Variants in DCAF4 observed in about 807,000 individuals in gnomAD.
The protein encoded by DCAF4 is DDB1- and CUL4-associated factor 4.
A neutral mutation model predicts 60.9 loss-of-function variants in DCAF4; 37 were observed. That is an observed-to-expected ratio of 0.61 (90% CI 0.47 to 0.80). DCAF4 has a LOEUF of 0.80. DCAF4 is among the 30% of genes least tolerant of loss of function. The pLI is 0.00. For synonymous variants in DCAF4, 243 were observed against 254.8 expected (o/e 0.95, Z 0.44); for missense variants, 577 against 650.0 (o/e 0.89, Z 1.22).
chr14:72,946,690 G>A (rs774441580), intron 7 of DCAF4, among the ~76,000 whole-genome samples: 27 of 152,208 alleles, frequency 1.8e-4, no homozygotes, highest in Non-Finnish European at 2.9e-4. Context: ...GCCGCAGCCA[G>A]CACTGAGGCT....
chr14:72,930,352 T>G lies in DCAF4; in HGVS notation c.-9+3809T>G, dbSNP rs547848561. Among the ~76,000 whole-genome samples, 210 of 151,874 alleles carry G rather than the reference T, an allele frequency of 1.4e-3. 1 individual carries two copies. Among genetic ancestry groups the G allele is most frequent in the African/African-American group, 4.6e-3 (192 of 41,430 alleles). On this transcript the variant is annotated intron_variant, in intron 1 of 13. Coordinates refer to ENST00000358377, the MANE Select transcript of DCAF4 (RefSeq NM_015604.4). ...GGCACCATCTCGGCTCACTGCAGCCTCCACCTCCCGGGTTCAAGCGATTGT... is the reference window on the plus strand; with the variant it reads ...GGCACCATCTCGGCTCACTGCAGCCGCCACCTCCCGGGTTCAAGCGATTGT...
chr14:72,939,587 C>G (rs1889747827), intron 2 of DCAF4, among the ~76,000 whole-genome samples: 1 of 152,334 alleles, frequency 6.6e-6, no homozygotes, highest in East Asian at 1.9e-4. Context: ...ACTGTGACAT[C>G]TGTCCTCTTT....
chr14:72,960,157 A>ATT (rs34676562), downstream of DCAF4, among the ~76,000 whole-genome samples: 1,717 of 143,986 alleles, frequency 0.012, 36 homozygotes, highest in African/African-American at 0.039. Flanking sequence ...AAAGAACCAA[A>ATT]TTTTTTTTTT....
Position 72,943,076 on chromosome 14 carries a change from G to C in DCAF4, c.514G>C (p.Asp172His). Residue 172 changes from aspartate to histidine, a missense_variant, in exon 6 of 14, where the codon GAC (aspartate) becomes CAC (histidine). By Grantham distance (81) the Asp-to-His change is moderately conservative (BLOSUM62 -1). Transcript: ENST00000358377. ...RSMDPSALAS[D>H]RFNLILADTN... is the part of the protein sequence containing the mutation. ...CATGGATCCCTCCGCCTTGGCAAGC[G>C]ACCGATTTAACCTCATACTGGTGAG... is the stretch of plus-strand genomic sequence containing the variant. 6.2e-7 allele frequency: 1 copy of C among 1,614,124 alleles called. No homozygotes were observed.
chr14:72,926,627 G>C (rs1189725965), intron 1 of DCAF4, 84 bp downstream of exon 1: 1 of 152,354 alleles, frequency 6.6e-6, no homozygotes, highest in Non-Finnish European at 1.5e-5. Flanking sequence ...GTGGGAGACA[G>C]GCGCGGCGAG....
rs145000136 is a variant in DCAF4, at chr14:72,947,810, C to T, written c.728+619C>T. On this transcript the variant is annotated intron_variant, in intron 8 of 13. Transcript: ENST00000358377. ...GGCAACAGCTTTTTAGAGCACTCAT[C>T]ACACTAGTCTCTGCCTTCCCGGAGA... Among the ~76,000 whole-genome samples the T allele has an allele frequency of 1.8e-4, 28 of 152,306 alleles. No homozygotes were observed. In the East Asian group the frequency reaches 5.2e-3, roughly 28 times the overall value.
chr14:72,929,792 C>T, intron 1 of DCAF4: 3 of 1,110,808 alleles, frequency 2.7e-6, no homozygotes, highest in South Asian at 1.2e-5. Context: ...AGCCACACAC[C>T]TCCCGGATCA....
chr14:72,935,704 C>T (rs1276427266), intron 1 of DCAF4, among the ~76,000 whole-genome samples: 3 of 152,216 alleles, frequency 2.0e-5, no homozygotes, highest in African/African-American at 4.8e-5. Flanking sequence ...TCATCGGCTG[C>T]GTCCTGCTGA....
In DCAF4 at chr14:72,928,187, CTTTTTTT is replaced by C. The variant is rs565229070; in HGVS notation, c.-9+1661_-9+1667del. On this transcript the variant is annotated intron_variant, in intron 1 of 13. Transcript: ENST00000358377. ...CCCGCTAGTCTACAGAATCCCCCCACTTTTTTTTTTTTTTTTTTTTTTTGATACGGAA... is the reference window on the plus strand; with the variant it reads ...CCCGCTAGTCTACAGAATCCCCCCACTTTTTTTTTTTTTTTTGATACGGAA... Among the ~76,000 whole-genome samples, 23 of 67,278 alleles carry C rather than the reference CTTTTTTT, an allele frequency of 3.4e-4. 1 individual carries two copies. Among genetic ancestry groups the C allele is most frequent in the Admixed American group, 1.4e-3 (6 of 4,164 alleles). The allele number at this position is 67,278 out of a possible 152,430, so 44.1% of individuals were successfully genotyped here. A position where few individuals can be genotyped will look rare whatever the true frequency, so the allele number is the denominator to read the frequency against.
chr14:72,961,677 G>T (rs114207693), downstream of DCAF4, among the ~76,000 whole-genome samples: 1 of 152,348 alleles, frequency 6.6e-6, no homozygotes, highest in East Asian at 1.9e-4. Flanking sequence ...AACCTCACCA[G>T]CCCTTGGCTT....
At position 72,958,881 on chromosome 14, in the gene DCAF4, A is replaced by G; in HGVS notation, c.*76A>G. On this transcript the variant is annotated 3_prime_UTR_variant, in exon 14 of 14. Transcript: ENST00000358377. ...GCGTAACTTTTTACTGCATCTAATG[A>G]GGGTGTTTTAAGTGACACTCAGTGT... 6.7e-7 allele frequency: 1 copy of G among 1,501,096 alleles called. No individual in the cohort carries two copies. The highest frequency in any genetic ancestry group is 1.4e-5 in the South Asian group (1 of 73,984). The allele number at this position is 1,501,096 out of a possible 1,614,324, so 93.0% of individuals were successfully genotyped here. A position where few individuals can be genotyped will look rare whatever the true frequency, so the allele number is the denominator to read the frequency against.
chr14:72,928,644 T>G (rs1184880985), intron 1 of DCAF4, among the ~76,000 whole-genome samples: 1 of 151,534 alleles, frequency 6.6e-6, no homozygotes, highest in East Asian at 1.9e-4. Context: ...ATTAACTTTT[T>G]TAAAAGGGTT....
In DCAF4 at chr14:72,947,217, T is replaced by G. The variant is rs117355004; in HGVS notation, c.728+26T>G. On this transcript the variant is annotated intron_variant, in intron 8 of 13. Transcript: ENST00000358377. ...GTATCCTTTGGCAGAGGAAGAGGTTTGGTGGGCAGGCCACACCCTGACGTT... is the reference window on the plus strand; with the variant it reads ...GTATCCTTTGGCAGAGGAAGAGGTTGGGTGGGCAGGCCACACCCTGACGTT... 238 of 1,613,768 alleles carry G rather than the reference T, an allele frequency of 1.5e-4. No individual in the cohort carries two copies. In the East Asian group the frequency reaches 4.6e-3, roughly 31 times the overall value.
intron 10 of DCAF4, 55 bp from the exon 11 acceptor site, chr14:72,954,331 C>G: frequency 6.2e-7 from 1 of 1,612,040 alleles, no homozygotes; most frequent in South Asian, 1.1e-5. Context: ...GTAGTTGTCC[C>G]TCTCCCCAGA....
At chr14:72,948,843 G>T (rs1055162048) in intron 8 of DCAF4, among the ~76,000 whole-genome samples, 4 of 152,180 alleles carry the variant, frequency 2.6e-5, no homozygotes, top group Non-Finnish European at 5.9e-5. Flanking sequence ...GTGGTGGGAA[G>T]TTAGATGGAA....
downstream of DCAF4, among the ~76,000 whole-genome samples, chr14:72,959,973 A>G (rs139905954): frequency 1.9e-3 from 285 of 152,166 alleles, no homozygotes; most frequent in African/African-American, 6.4e-3. Context: ...CACCACTTCT[A>G]TTGGAAAGCG....
In DCAF4 at chr14:72,954,227, C is replaced by G. The variant is rs778257059; in HGVS notation, c.872C>G (p.Ser291Cys). Residue 291 changes from serine to cysteine, a missense_variant, in exon 10 of 14, where the codon TCC (serine) becomes TGC (cysteine). Physicochemically the swap from Ser to Cys is moderately radical, Grantham distance 112. Transcript: ENST00000358377. ...CCTGGTGCCTGGTCCTGTGCCTGGT[C>G]CCTGAATATCCAAGCAAATAACTGC... ...RIPGAWSCAW[S>C]LNIQANNCFS... is the part of the protein sequence containing the mutation. The G allele has an allele frequency of 2.5e-6, 4 of 1,614,082 alleles. No homozygotes were observed. Among genetic ancestry groups the G allele is most frequent in the East Asian group, 4.5e-5 (2 of 44,880 alleles).
At chr14:72,942,969 A>G (rs760439729) in intron 5 of DCAF4, 25 bp from the exon 6 acceptor site, 1 of 1,611,120 alleles carries the variant, frequency 6.2e-7, no homozygotes, top group Non-Finnish European at 8.5e-7. Flanking sequence ...TTCAGCATCC[A>G]TGCCCCCACC....
chr14:72,929,292 G>A lies in DCAF4; in HGVS notation c.-9+2749G>A, dbSNP rs578085496. Among the ~76,000 whole-genome samples the A allele has an allele frequency of 2.0e-5, 3 of 152,342 alleles. 1 individual carries two copies. The South Asian group carries it at 6.2e-4, about 32-fold the overall frequency. ...GTGTGCCGCTTTTGTGTGGAAAACT[G>A]CTAGACTGTGAGAGAGAGCCGACCT... On this transcript the variant is annotated intron_variant, in intron 1 of 13. Transcript: ENST00000358377.
Sources: allele counts gnomAD v4.1 joint callset (sites outside exome capture counted in the v4.1 genomes callset), GRCh38; gene constraint gnomAD v4.1.1; transcripts MANE v1.5; gene names NCBI Gene and HGNC (gene_info 2026-07-23, HGNC 2026-07-21).